Variants in MSL2 observed in about 807,000 individuals in gnomAD.
MSL2 encodes E3 ubiquitin-protein ligase MSL2.
In MSL2, 2 loss-of-function variants were observed where a neutral mutation model predicts 35.8. The ratio of observed to expected loss-of-function variants is 0.06; its 90% CI spans 0.02 to 0.18. MSL2 has a LOEUF of 0.18. MSL2 is among the 10% of genes least tolerant of loss of function. The probability of loss-of-function intolerance (pLI) is 1.00; values close to 1 mark genes in which losing one functional copy is unlikely to be tolerated. For synonymous variants in MSL2, 296 were observed against 255.7 expected, an observed-to-expected ratio of 1.16 and a Z score of -1.50; for missense variants, 523 against 706.7, an observed-to-expected ratio of 0.74 and a Z score of 2.95.
At chr3:136,185,941 G>A (rs954337748) in intron 1 of MSL2, among the ~76,000 whole-genome samples, 2 of 152,024 alleles carry the variant, frequency 1.3e-5, no homozygotes, top group South Asian at 2.1e-4. Context: ...AGGTAACTTG[G>A]GGAAAATGGA....
chr3:136,174,560 T>C (rs537733523), intron 1 of MSL2, among the ~76,000 whole-genome samples: 1 of 152,334 alleles, frequency 6.6e-6, no homozygotes, highest in South Asian at 2.1e-4. Flanking sequence ...GGATAGTGAC[T>C]GAGGCAGGAA....
At chr3:136,191,360 C>T (rs1940684931) in intron 1 of MSL2, among the ~76,000 whole-genome samples, 1 of 151,126 alleles carries the variant, frequency 6.6e-6, no homozygotes, top group African/African-American at 2.4e-5. Flanking sequence ...CCAAGCTACT[C>T]GGGAAGCTGA....
At chr3:136,188,723 C>T (rs1177541161) in intron 1 of MSL2, among the ~76,000 whole-genome samples, 16 of 38,810 alleles carry the variant, frequency 4.1e-4, no homozygotes, top group Non-Finnish European at 6.7e-4. Context: ...AAGACCCTGT[C>T]TCAAAAAAAA....
intron 1 of MSL2, among the ~76,000 whole-genome samples, chr3:136,169,313 T>C (rs1293437416): frequency 6.9e-6 from 1 of 144,726 alleles, no homozygotes; most frequent in Non-Finnish European, 1.5e-5. Flanking sequence ...GGGGTACACG[T>C]GATATTCTGA....
At position 136,175,338 on chromosome 3, in the gene MSL2, C is replaced by T. The variant is rs200716776; in HGVS notation, c.142+19634G>A. Among the ~76,000 whole-genome samples the T allele has an allele frequency of 1.0e-3, 142 of 140,792 alleles. 2 individuals are homozygous for T. In the East Asian group the frequency reaches 0.026, roughly 26 times the overall value. 92.4% of individuals were successfully genotyped at this position (140,792 alleles called of 152,430 possible). A position where few individuals can be genotyped will look rare whatever the true frequency, so the allele number is the denominator to read the frequency against. On this transcript the variant is annotated intron_variant, in intron 1 of 1. Coordinates refer to ENST00000309993, the MANE Select transcript of MSL2 (RefSeq NM_018133.4). ...CAGCCTGGGCGACAGAGCAAGACTCCGTCTCAAAAAAAAAAAAAAAAGTGG... is the reference window on the plus strand; with the variant it reads ...CAGCCTGGGCGACAGAGCAAGACTCTGTCTCAAAAAAAAAAAAAAAAGTGG...
Position 136,194,953 on chromosome 3 carries a change from A to G in MSL2, c.142+19T>C. On this transcript the variant is annotated intron_variant, in intron 1 of 1. Transcript: ENST00000309993. ...TTTAAAAACAAGCATTGAAAAGGGA[A>G]CAATAAAAAGCGTCTCACCGCAAAC... The G allele has an allele frequency of 6.2e-7, 1 of 1,613,258 alleles. No individual in the cohort carries two copies. The highest frequency in any genetic ancestry group is 2.2e-5 in the East Asian group (1 of 44,866).
chr3:136,154,714 T>C (rs1939470303), intron 1 of MSL2, among the ~76,000 whole-genome samples: 1 of 152,166 alleles, frequency 6.6e-6, no homozygotes, highest in South Asian at 2.1e-4. Context: ...AGAATGCAAC[T>C]AAAGCAGTGT....
chr3:136,195,174 A>G lies in MSL2; in HGVS notation c.-61T>C. ...AAGAAATTCCGGATCCAACTTAGTA[A>G]GCAGCCAGGGAACGATGGCGAATTT... On this transcript the variant is annotated 5_prime_UTR_variant, in exon 1 of 2. Transcript: ENST00000309993. 6.4e-7 allele frequency: 1 copy of G among 1,565,258 alleles called. No individual in the cohort carries two copies. Among genetic ancestry groups the G allele is most frequent in the Middle Eastern group, 1.9e-4 (1 of 5,400 alleles).
intron 1 of MSL2, chr3:136,156,054 C>G (rs542006030): frequency 3.9e-6 from 1 of 258,226 alleles, no homozygotes; most frequent in Non-Finnish European, 7.8e-6. Context: ...TGCCCTCCCC[C>G]AAAAAACTAC....
rs1338488207 is a variant in MSL2, at chr3:136,195,188, G to A, written c.-75C>T. The A allele has an allele frequency of 3.2e-6, 5 of 1,548,906 alleles. No homozygotes were observed. The highest frequency in any genetic ancestry group is 4.3e-6 in the Non-Finnish European group (5 of 1,151,090). On this transcript the variant is annotated 5_prime_UTR_variant, in exon 1 of 2. Transcript: ENST00000309993. ...CCAACTTAGTAAGCAGCCAGGGAAC[G>A]ATGGCGAATTTGCAACAATTCGGAA...
intron 1 of MSL2, 171 bp from the exon 2 acceptor site, chr3:136,152,909 G>T: frequency 1.0e-6 from 1 of 985,346 alleles, no homozygotes; most frequent in Non-Finnish European, 1.2e-6. Context: ...CAATTAGCTC[G>T]CTTGATTTCA....
intron 1 of MSL2, among the ~76,000 whole-genome samples, chr3:136,163,498 G>T (rs117079975): frequency 3.3e-5 from 5 of 152,126 alleles, no homozygotes; most frequent in Non-Finnish European, 5.9e-5. Flanking sequence ...TTGGACAAAT[G>T]GCTAATTTCA....
At chr3:136,190,205 T>C (rs1940646988) in intron 1 of MSL2, among the ~76,000 whole-genome samples, 1 of 152,244 alleles carries the variant, frequency 6.6e-6, no homozygotes, top group Admixed American at 6.5e-5. Context: ...CTGACCAATA[T>C]ATATGGGCCT....
chr3:136,166,125 A>G (rs1207083534), intron 1 of MSL2, among the ~76,000 whole-genome samples: 1 of 150,668 alleles, frequency 6.6e-6, no homozygotes, highest in African/African-American at 2.4e-5. Flanking sequence ...ACGATGGCTC[A>G]CACCTGTAAT....
intron 1 of MSL2, among the ~76,000 whole-genome samples, chr3:136,193,368 G>C (rs959663384): frequency 1.3e-5 from 2 of 151,836 alleles, no homozygotes; most frequent in African/African-American, 4.8e-5. Context: ...AGTAAACAGG[G>C]GACCTACCAG....
rs575814195 is a variant in MSL2, at chr3:136,154,130, CA to C, written c.143-1393del. Among the ~76,000 whole-genome samples, 43 of 148,946 alleles carry C rather than the reference CA, an allele frequency of 2.9e-4. No individual in the cohort carries two copies. In the East Asian group the frequency reaches 8.4e-3, roughly 29 times the overall value. ...AGTTTCAGTAGGAGAGAACTATGTT[CA>C]ACTACATTAAAACAAAGAAAAAAGG... On this transcript the variant is annotated intron_variant, in intron 1 of 1. Coordinates refer to ENST00000309993, the MANE Select transcript of MSL2 (RefSeq NM_018133.4).
At chr3:136,189,059 G>T (rs1025145364) in intron 1 of MSL2, among the ~76,000 whole-genome samples, 1 of 127,210 alleles carries the variant, frequency 7.9e-6, no homozygotes, top group African/African-American at 3.1e-5. Flanking sequence ...ATTTTCCTTA[G>T]GAAAAGAGAT....
At chr3:136,163,011 TAA>T (rs768963017) in intron 1 of MSL2, among the ~76,000 whole-genome samples, 17 of 151,676 alleles carry the variant, frequency 1.1e-4, no homozygotes, top group Non-Finnish European at 2.1e-4. Context: ...GGAAAGTTGT[TAA>T]GAGAGAAAAG....
chr3:136,185,949 G>A (rs1940509746), intron 1 of MSL2, among the ~76,000 whole-genome samples: 1 of 151,890 alleles, frequency 6.6e-6, no homozygotes, highest in Non-Finnish European at 1.5e-5. Flanking sequence ...TGGGGAAAAT[G>A]GAAGCCAAAA....
Sources: gnomAD v4.1 joint callset for allele counts (sites outside exome capture counted in the v4.1 genomes callset) on GRCh38, gnomAD v4.1.1 for gene constraint, MANE v1.5 for transcripts, NCBI Gene and HGNC (gene_info 2026-07-23, HGNC 2026-07-21) for gene names.